Variants in MYZAP observed in about 807,000 individuals in gnomAD.
MYZAP encodes myocardial zonula adherens protein.
MYZAP carries 66 observed loss-of-function variants against 69.4 expected under a neutral mutation model. The observed-to-expected ratio is 0.95, with a 90% CI of 0.78 to 1.17. The LOEUF (loss-of-function observed/expected upper bound fraction) is 1.17, where lower values mean the gene tolerates loss of function less well. Among genes scored for constraint, MYZAP ranks in the 50% most tolerant of loss-of-function variants. The pLI, the probability that MYZAP is intolerant of heterozygous loss-of-function variation, is 0.00. For synonymous variants in MYZAP, 256 were observed against 205.9 expected, an observed-to-expected ratio of 1.24 and a Z score of -2.09; for missense variants, 611 against 556.2, an observed-to-expected ratio of 1.10 and a Z score of -0.99.
chr15:57,671,942 G>A (rs1259156208), intron 11 of MYZAP, among the ~76,000 whole-genome samples: 2 of 152,080 alleles, frequency 1.3e-5, no homozygotes, highest in African/African-American at 4.8e-5. Flanking sequence ...CATAATTTTG[G>A]ATTATAAGCT....
At chr15:57,628,305 C>G (rs777895714) in intron 5 of MYZAP, among the ~76,000 whole-genome samples, 3 of 152,150 alleles carry the variant, frequency 2.0e-5, no homozygotes, top group Admixed American at 1.3e-4. Context: ...GGGTCTTGCT[C>G]TGTTGCGCAG....
At chr15:57,667,541 C>T (rs1226114096) in intron 11 of MYZAP, among the ~76,000 whole-genome samples, 9 of 152,162 alleles carry the variant, frequency 5.9e-5, no homozygotes, top group Non-Finnish European at 1.3e-4. Flanking sequence ...CAGTCTGAGG[C>T]TATTCTTTGT....
intron 11 of MYZAP, among the ~76,000 whole-genome samples, chr15:57,669,594 G>T (rs2038773395): frequency 6.6e-6 from 1 of 151,832 alleles, no homozygotes; most frequent in Non-Finnish European, 1.5e-5. Flanking sequence ...ATAGCTTTTG[G>T]CTTTGGTGAT....
At chr15:57,620,630 A>G (rs1409278837) in intron 3 of MYZAP, among the ~76,000 whole-genome samples, 2 of 152,236 alleles carry the variant, frequency 1.3e-5, no homozygotes, top group Non-Finnish European at 2.9e-5. Context: ...AACTTTTGTT[A>G]TATTTACTGC....
rs376306761 is a variant in MYZAP, at chr15:57,593,190, A to ATGCGCGCGCGCGCGCGCG, written c.75+1081_75+1082insTGCGCGCGCGCGCGCGCG. Among the ~76,000 whole-genome samples the ATGCGCGCGCGCGCGCGCG allele has an allele frequency of 7.5e-3, 816 of 108,252 alleles. 12 individuals carry two copies. Among genetic ancestry groups the ATGCGCGCGCGCGCGCGCG allele is most frequent in the South Asian group, 0.018 (55 of 3,114 alleles). The allele number at this position is 108,252 out of a possible 152,430, so 71.0% of individuals were successfully genotyped here. On this transcript the variant is annotated intron_variant, in intron 1 of 12. Transcript: ENST00000267853. ...ACACTTAGGTTGTGTACACAGGCGC[A>ATGCGCGCGCGCGCGCGCG]CACACACACACACACACACACACAC...
At chr15:57,637,849 C>T in intron 9 of MYZAP, 75 bp downstream of exon 9, 1 of 1,430,332 alleles carries the variant, frequency 7.0e-7, no homozygotes, top group Non-Finnish European at 9.6e-7. Context: ...CTCATTTGAC[C>T]CTTACATTTT....
chr15:57,647,046 G>A (rs779959762), intron 10 of MYZAP: 149 of 985,392 alleles, frequency 1.5e-4, no homozygotes, highest in Admixed American at 1.8e-4. Context: ...GATGGGGCTC[G>A]TGGAGTGAGT....
At chr15:57,618,360 A>C (rs148483155) in intron 3 of MYZAP, among the ~76,000 whole-genome samples, 172 bp downstream of exon 3, 1 of 152,354 alleles carries the variant, frequency 6.6e-6, no homozygotes, top group African/African-American at 2.4e-5. Context: ...TAAAGTACAG[A>C]TGTAAATCTG....
At position 57,637,678 on chromosome 15, in the gene MYZAP, G is replaced by C. The variant is rs1234099047; in HGVS notation, c.934-17G>C. On this transcript the variant is annotated splice_polypyrimidine_tract_variant and intron_variant, in intron 8 of 12. Transcript: ENST00000267853. Reference sequence around the variant, plus strand: ...TTGGGATCCATTGATTAAAATATCAGTTTCTGTTTGTTTTAGGAACGTCAT... The same window carrying C: ...TTGGGATCCATTGATTAAAATATCACTTTCTGTTTGTTTTAGGAACGTCAT... 1.9e-6 allele frequency: 3 copies of C among 1,609,816 alleles called. No homozygotes were observed. The highest frequency in any genetic ancestry group is 1.7e-5 in the Admixed American group (1 of 59,698).
In MYZAP at chr15:57,592,001, C is replaced by A. The variant is rs866723396; in HGVS notation, c.-34C>A. 1.4e-6 allele frequency: 2 copies of A among 1,417,184 alleles called. No homozygotes were observed. Among genetic ancestry groups the A allele is most frequent in the Non-Finnish European group, 1.8e-6 (2 of 1,088,466 alleles). 87.8% of individuals were successfully genotyped at this position (1,417,184 alleles called of 1,614,324 possible). A position where few individuals can be genotyped will look rare whatever the true frequency, so the allele number is the denominator to read the frequency against. On this transcript the variant is annotated 5_prime_UTR_variant, in exon 1 of 13. Transcript: ENST00000267853. ...CGCTTATTCTGCCCGGGAGGAACGC[C>A]GGCGTCCAGCCCGCTACCGACCGCC...
intron 7 of MYZAP, 118 bp from the exon 8 acceptor site, chr15:57,633,495 G>T (rs1464134756): frequency 1.5e-6 from 2 of 1,365,514 alleles, no homozygotes; most frequent in Non-Finnish European, 1.9e-6. Flanking sequence ...ACACTTTCAG[G>T]TTCCAAGGTC....
At chr15:57,622,446 A>G (rs1429658920) in intron 4 of MYZAP, among the ~76,000 whole-genome samples, 2 of 152,142 alleles carry the variant, frequency 1.3e-5, no homozygotes, top group African/African-American at 2.4e-5. Context: ...ATAAATAAAA[A>G]GATTGGGAAA....
chr15:57,642,503 G>A (rs7176042), intron 10 of MYZAP, among the ~76,000 whole-genome samples: 41,726 of 152,034 alleles, frequency 0.27, 6,212 homozygotes, highest in Non-Finnish European at 0.34. Context: ...TAAGTGTAGC[G>A]GATGTTAAGG....
At chr15:57,639,406 G>T in intron 9 of MYZAP, 34 bp from the exon 10 acceptor site, 1 of 1,610,072 alleles carries the variant, frequency 6.2e-7, no homozygotes, top group East Asian at 2.2e-5. Context: ...CTTTGGTTTA[G>T]GACTCATTTG....
chr15:57,624,564 C>T (rs1400145768), intron 4 of MYZAP, among the ~76,000 whole-genome samples: 2 of 152,212 alleles, frequency 1.3e-5, no homozygotes, highest in African/African-American at 4.8e-5. Context: ...CCATGACTGT[C>T]AGACACCAAT....
At chr15:57,616,280 C>T (rs1371934897) in intron 2 of MYZAP, among the ~76,000 whole-genome samples, 2 of 152,126 alleles carry the variant, frequency 1.3e-5, no homozygotes, top group African/African-American at 4.8e-5. Context: ...TTTGGGAGGC[C>T]AAAGCAGGCA....
chr15:57,648,484 G>A (rs141851837), intron 10 of MYZAP: 14,292 of 985,056 alleles, frequency 0.015, 120 homozygotes, highest in Non-Finnish European at 0.016. Context: ...TATGCATATG[G>A]ATGTCACATT....
intron 10 of MYZAP, chr15:57,646,384 C>T (rs975911525): frequency 1.7e-6 from 2 of 1,160,560 alleles, no homozygotes; most frequent in Non-Finnish European, 2.2e-6. Context: ...CACATACTGT[C>T]ACCCTGACTT....
At chr15:57,625,201 G>A (rs1203662618) in intron 4 of MYZAP, among the ~76,000 whole-genome samples, 2 of 152,020 alleles carry the variant, frequency 1.3e-5, no homozygotes, top group Admixed American at 6.6e-5. Flanking sequence ...AGCCTTCCAC[G>A]AAGCTGGGAT....
Sources: gnomAD v4.1 joint callset for allele counts (sites outside exome capture counted in the v4.1 genomes callset) on GRCh38, gnomAD v4.1.1 for gene constraint, MANE v1.5 for transcripts, NCBI Gene and HGNC (gene_info 2026-07-23, HGNC 2026-07-21) for gene names.